SCP2: variants seen among roughly 807,000 people sequenced by gnomAD.
SCP2 encodes SCP-2/3-oxoacyl-CoA thiolase.
A neutral mutation model predicts 71.4 loss-of-function variants in SCP2; 48 were observed. The observed-to-expected ratio is 0.67, with a 90% confidence interval of 0.53 to 0.86. SCP2 has a LOEUF of 0.86. Among genes scored for constraint, SCP2 ranks in the 40% least tolerant of loss-of-function variants. The pLI is 0.00. For missense variants in SCP2, 560 were observed against 655.6 expected, an observed-to-expected ratio of 0.85 and a Z score of 1.59; for synonymous variants, 220 against 218.1, an observed-to-expected ratio of 1.01 and a Z score of -0.08.
In SCP2 at chr1:53,050,589, A is replaced by G. The variant is rs1425816510; in HGVS notation, c.1549-20A>G. On this transcript the variant is annotated intron_variant, in intron 15 of 15. Coordinates refer to ENST00000371514, the MANE Select transcript of SCP2 (RefSeq NM_002979.5). ...AAAACAAAAAAACACCAAGTAATGA[A>G]TTTTCTTTCTTCTTCACAGGCCTTC... is the stretch of plus-strand genomic sequence containing the variant. The G allele has an allele frequency of 1.9e-6, 3 of 1,551,130 alleles. No homozygotes were observed. The East Asian group carries it at 6.7e-5, about 35-fold the overall frequency.
chr1:52,965,771 A>C (rs1656898328), intron 6 of SCP2, among the ~76,000 whole-genome samples: 2 of 151,068 alleles, frequency 1.3e-5, no homozygotes, highest in African/African-American at 2.4e-5. Context: ...AGTAGCTGGG[A>C]TTACAGGTGC....
chr1:52,941,922 G>A, intron 2 of SCP2, 69 bp downstream of exon 2: 1 of 1,179,336 alleles, frequency 8.5e-7, no homozygotes, highest in Non-Finnish European at 1.3e-6. Context: ...TTTCATGGAT[G>A]GGGCAGCCTT....
intron 13 of SCP2, among the ~76,000 whole-genome samples, chr1:53,036,987 C>T (rs1662994089): frequency 6.6e-6 from 1 of 151,820 alleles, no homozygotes; most frequent in South Asian, 2.1e-4. Flanking sequence ...ACTAAAAATA[C>T]AAAAAATTAG....
Position 53,038,089 on chromosome 1 carries a change from T to G in SCP2, c.1339-828T>G, listed in dbSNP as rs927927926. On this transcript the variant is annotated intron_variant, in intron 13 of 15. Coordinates refer to ENST00000371514, the MANE Select transcript of SCP2 (RefSeq NM_002979.5). ...TGAGCACTGGAGATCGACCCTGCAG[T>G]GAGCCCTGATTGTGCCACTGCACTC... Among the ~76,000 whole-genome samples the G allele has an allele frequency of 5.3e-5, 8 of 151,652 alleles. 2 individuals carry two copies. Among genetic ancestry groups the G allele is most frequent in the Admixed American group, 5.3e-4 (8 of 15,220 alleles).
intron 14 of SCP2, among the ~76,000 whole-genome samples, chr1:53,041,810 A>T (rs537905425): frequency 6.6e-6 from 1 of 152,292 alleles, no homozygotes; most frequent in East Asian, 1.9e-4. Context: ...GTAGGAAAGG[A>T]TGACATCGGG....
Position 53,050,981 on chromosome 1 carries a change from G to A in SCP2, c.*277G>A. Reference sequence around the variant, plus strand: ...AAAATTGAGTTTCAGAATAAAATTAGGAACAGTAAAATCCAAAGAACTATG... The same window carrying A: ...AAAATTGAGTTTCAGAATAAAATTAAGAACAGTAAAATCCAAAGAACTATG... On this transcript the variant is annotated 3_prime_UTR_variant, in exon 16 of 16. Transcript: ENST00000371514. The A allele has an allele frequency of 3.7e-6, 1 of 269,646 alleles. No homozygotes were observed. The allele number at this position is 269,646 out of a possible 1,614,324, so 16.7% of individuals were successfully genotyped here.
chr1:53,008,104 C>T (rs1438988649), intron 11 of SCP2, among the ~76,000 whole-genome samples: 1 of 152,112 alleles, frequency 6.6e-6, no homozygotes, highest in East Asian at 1.9e-4. Context: ...CTGAATAGAC[C>T]AATAACAGGC....
In SCP2 at chr1:52,946,924, C is replaced by T. The variant is rs989553668; in HGVS notation, c.128-1085C>T. Among the ~76,000 whole-genome samples, 6 of 151,530 alleles carry T rather than the reference C, an allele frequency of 4.0e-5. No homozygotes were observed. In the East Asian group the frequency reaches 9.7e-4, roughly 25 times the overall value. ...ACACAAAAAGTAGTGTGGTGGTAGGCGCCTATTATTCCTGTAATCCCAGTT... is the reference window on the plus strand; with the variant it reads ...ACACAAAAAGTAGTGTGGTGGTAGGTGCCTATTATTCCTGTAATCCCAGTT... On this transcript the variant is annotated intron_variant, in intron 2 of 15. Coordinates refer to ENST00000371514, the MANE Select transcript of SCP2 (RefSeq NM_002979.5).
chr1:52,958,552 A>G (rs1349820067), intron 5 of SCP2, among the ~76,000 whole-genome samples: 3 of 152,018 alleles, frequency 2.0e-5, no homozygotes, highest in Non-Finnish European at 4.4e-5. Flanking sequence ...CAAGCTTTTT[A>G]GCTATCTATT....
At chr1:53,012,171 G>A (rs184104769) in intron 11 of SCP2, among the ~76,000 whole-genome samples, 45 of 152,244 alleles carry the variant, frequency 3.0e-4, no homozygotes, top group Admixed American at 1.9e-3. Flanking sequence ...TTTGACTGGG[G>A]GTCATAAGAC....
intron 4 of SCP2, among the ~76,000 whole-genome samples, chr1:52,952,291 AT>A (rs1291706425): frequency 6.6e-6 from 1 of 152,180 alleles, no homozygotes; most frequent in Non-Finnish European, 1.5e-5. Context: ...GTTGTAGCAT[AT>A]ATCAGTACTT....
At position 52,974,739 on chromosome 1, in the gene SCP2, C is replaced by T. The variant is rs372120717; in HGVS notation, c.524-30C>T. ...TTAATAAGCAGCGGAAAAACATTCA[C>T]CCACTGGTAGATGTTTGCTTTCTTT... On this transcript the variant is annotated intron_variant, in intron 6 of 15. Coordinates refer to ENST00000371514, the MANE Select transcript of SCP2 (RefSeq NM_002979.5). The T allele has an allele frequency of 1.3e-5, 15 of 1,159,358 alleles. 1 individual carries two copies. In the African/African-American group the frequency reaches 2.3e-4, roughly 18 times the overall value. The allele number at this position is 1,159,358 out of a possible 1,614,324, so 71.8% of individuals were successfully genotyped here.
At chr1:53,031,416 C>A (rs1662538172) in intron 13 of SCP2, among the ~76,000 whole-genome samples, 1 of 152,164 alleles carries the variant, frequency 6.6e-6, no homozygotes, top group African/African-American at 2.4e-5. Context: ...GTCTTGGAAT[C>A]TTTTGTCAAT....
intron 11 of SCP2, chr1:52,994,696 C>A (rs1042958221): frequency 2.9e-6 from 2 of 679,816 alleles, no homozygotes; most frequent in Non-Finnish European, 4.9e-6. Flanking sequence ...TACCTTGAGG[C>A]GAGCAAAAAA....
intron 14 of SCP2, among the ~76,000 whole-genome samples, chr1:53,039,961 G>C (rs1275896266): frequency 6.6e-6 from 1 of 152,148 alleles, no homozygotes; most frequent in Non-Finnish European, 1.5e-5. Context: ...TACTCCTCCT[G>C]CTGTTGCAAT....
chr1:52,948,245 A>C (rs1654979274), intron 3 of SCP2, among the ~76,000 whole-genome samples, 165 bp downstream of exon 3: 2 of 152,204 alleles, frequency 1.3e-5, no homozygotes, highest in African/African-American at 4.8e-5. Flanking sequence ...TCAAAGTCTG[A>C]TTTAAGGGAA....
intron 1 of SCP2, among the ~76,000 whole-genome samples, chr1:52,940,996 G>A (rs1035158994): frequency 5.3e-5 from 8 of 152,048 alleles, no homozygotes; most frequent in African/African-American, 1.2e-4. Flanking sequence ...TGATCCTCCC[G>A]CCTCGGCCTC....
chr1:53,022,174 GTC>G (rs1191652624), intron 12 of SCP2, among the ~76,000 whole-genome samples: 2 of 152,166 alleles, frequency 1.3e-5, no homozygotes, highest in African/African-American at 4.8e-5. Context: ...CCTACTTTCT[GTC>G]TCTATGGATT....
chr1:52,955,665 A>G (rs1478383192), intron 5 of SCP2, among the ~76,000 whole-genome samples: 1 of 152,240 alleles, frequency 6.6e-6, no homozygotes, highest in African/African-American at 2.4e-5. Flanking sequence ...AATCTAAATT[A>G]GTTCCAGAAT....
Sources: allele counts gnomAD v4.1 joint callset (sites outside exome capture counted in the v4.1 genomes callset), GRCh38; gene constraint gnomAD v4.1.1; transcripts MANE v1.5; gene names NCBI Gene and HGNC (gene_info 2026-07-23, HGNC 2026-07-21).